CCDC33: variants seen among roughly 807,000 people sequenced by gnomAD.
CCDC33 encodes coiled-coil domain containing 33.
CCDC33 carries 94 observed loss-of-function variants against 91.9 expected under a neutral mutation model. The observed-to-expected ratio is 1.02, with a 90% CI of 0.87 to 1.21. CCDC33 has a LOEUF of 1.21. Among genes scored for constraint, CCDC33 ranks in the 50% most tolerant of loss-of-function variants. The pLI is 0.00. For missense variants in CCDC33, 940 were observed against 935.5 expected, an observed-to-expected ratio of 1.00 and a Z score of -0.06; for synonymous variants, 396 against 374.5, an observed-to-expected ratio of 1.06 and a Z score of -0.66.
In CCDC33 at chr15:74,228,664, G is replaced by A. The variant is rs562843163; in HGVS notation, c.675+9803G>A. On this transcript the variant is annotated intron_variant, in intron 2 of 2. Transcript: ENST00000635913. Reference sequence around the variant, plus strand: ...TTGGGCCAGTGGAGCTCACGGATGGGCATGGGAGCGAGGAGGTTGTAGACA... The same window carrying A: ...TTGGGCCAGTGGAGCTCACGGATGGACATGGGAGCGAGGAGGTTGTAGACA... Among the ~76,000 whole-genome samples the A allele has an allele frequency of 6.6e-5, 10 of 152,352 alleles. No homozygotes were observed. In the South Asian group the frequency reaches 2.1e-3, roughly 32 times the overall value.
At chr15:74,289,606 TG>T (rs935417516) in intron 10 of CCDC33, among the ~76,000 whole-genome samples, 4 of 152,240 alleles carry the variant, frequency 2.6e-5, no homozygotes, top group African/African-American at 9.6e-5. Context: ...CCTAGCTACT[TG>T]GGGGCGTTGA....
intron 2 of CCDC33, among the ~76,000 whole-genome samples, chr15:74,220,096 G>T (rs2074550982): frequency 1.3e-5 from 2 of 152,118 alleles, no homozygotes; most frequent in Non-Finnish European, 2.9e-5. Context: ...GGAGGCAGTG[G>T]GGAACACCAG....
chr15:74,242,090 G>A (rs931002084), intron 1 of CCDC33, among the ~76,000 whole-genome samples: 3 of 152,184 alleles, frequency 2.0e-5, no homozygotes, highest in Non-Finnish European at 4.4e-5. Context: ...AAACTCCTCG[G>A]GGCAGAGCAG....
chr15:74,265,621 A>G lies in CCDC33; in HGVS notation c.320-1057A>G, dbSNP rs150551706. Among the ~76,000 whole-genome samples, 782 of 152,356 alleles carry G rather than the reference A, an allele frequency of 5.1e-3. 9 individuals carry two copies. The Middle Eastern group carries it at 0.058, about 11-fold the overall frequency. On this transcript the variant is annotated intron_variant, in intron 3 of 18. Transcript: ENST00000398814. ...GTTGTGGTGAGAATTTGTTGGAATC[A>G]TGGCTGAGACATGCCTGGCACATAG...
intron 18 of CCDC33, 39 bp downstream of exon 18, chr15:74,335,127 T>A: frequency 6.6e-7 from 1 of 1,515,840 alleles, no homozygotes; most frequent in Non-Finnish European, 9.2e-7. Flanking sequence ...GGGGTTCAGG[T>A]GGTGGAGCAG....
intron 10 of CCDC33, among the ~76,000 whole-genome samples, chr15:74,291,546 C>G (rs1381696507): frequency 6.6e-6 from 1 of 152,234 alleles, no homozygotes; most frequent in Non-Finnish European, 1.5e-5. Context: ...GCTTCAGGCC[C>G]CCTGGGGAGG....
At chr15:74,330,076 C>T (rs1402458500) in intron 11 of CCDC33, 113 bp from the exon 12 acceptor site, 2 of 1,262,298 alleles carry the variant, frequency 1.6e-6, no homozygotes, top group South Asian at 1.6e-5. Context: ...GCTTGGGGCT[C>T]CTGGTGCTCA....
intron 17 of CCDC33, among the ~76,000 whole-genome samples, chr15:74,334,738 A>T (rs2060527494): frequency 6.6e-6 from 1 of 152,172 alleles, no homozygotes; most frequent in African/African-American, 2.4e-5. Context: ...GTGTGGACTC[A>T]GGATCAGAGC....
intron 2 of CCDC33, among the ~76,000 whole-genome samples, chr15:74,250,742 GA>G (rs1376163740): frequency 6.6e-6 from 1 of 152,226 alleles, no homozygotes; most frequent in Non-Finnish European, 1.5e-5. Flanking sequence ...TGGAACATAG[GA>G]AGCTGTCACT....
Position 74,244,202 on chromosome 15 carries a change from A to C in CCDC33, c.185+54A>C. 1.9e-6 allele frequency: 3 copies of C among 1,562,026 alleles called. No homozygotes were observed. Among genetic ancestry groups the C allele is most frequent in the Non-Finnish European group, 2.6e-6 (3 of 1,150,806 alleles). On this transcript the variant is annotated intron_variant, in intron 2 of 18. Coordinates refer to ENST00000398814, the MANE Select transcript of CCDC33 (RefSeq NM_025055.5). This position sits in a 1 kb window ranked among gnomAD's most constrained non-coding sequence, Gnocchi z 4.2. Reference sequence around the variant, plus strand: ...GGGATGGGTTGGGCTGTGAGCAGAAACCAGGGGACAGCTATTTGGAATACT... The same window carrying C: ...GGGATGGGTTGGGCTGTGAGCAGAACCCAGGGGACAGCTATTTGGAATACT...
intron 1 of CCDC33, among the ~76,000 whole-genome samples, chr15:74,205,169 G>A (rs758279951): frequency 2.0e-5 from 3 of 152,156 alleles, no homozygotes; most frequent in Non-Finnish European, 4.4e-5. Context: ...AGGCCTCACT[G>A]AGAAGGTGGT....
Position 74,262,449 on chromosome 15 carries a change from A to AT in CCDC33, c.196dup (p.Ser66PhefsTer2). The AT allele has an allele frequency of 6.2e-7, 1 of 1,614,032 alleles. No homozygotes were observed. The highest frequency in any genetic ancestry group is 8.5e-7 in the Non-Finnish European group (1 of 1,179,972). On this transcript the variant is annotated frameshift_variant, in exon 3 of 19. Coordinates refer to ENST00000398814, the MANE Select transcript of CCDC33 (RefSeq NM_025055.5). LOFTEE classifies it high-confidence loss of function. ...CCCCTGCTCTCCCCAGGAAAAGCAC[A>AT]TCTGAGGAAAAGAACAATCAGAGCT...
chr15:74,325,946 G>C (rs76328168), intron 11 of CCDC33, among the ~76,000 whole-genome samples: 1 of 152,068 alleles, frequency 6.6e-6, no homozygotes, highest in Non-Finnish European at 1.5e-5. Flanking sequence ...TCCTTCGTGG[G>C]AACTGGTCCT....
At chr15:74,226,033 C>T (rs1213569955) in intron 2 of CCDC33, among the ~76,000 whole-genome samples, 2 of 152,216 alleles carry the variant, frequency 1.3e-5, no homozygotes, top group African/African-American at 2.4e-5. Context: ...TCCAAAGGTC[C>T]AACCTCCCTC....
At chr15:74,257,000 C>G (rs148876389) in intron 2 of CCDC33, among the ~76,000 whole-genome samples, 51 of 152,330 alleles carry the variant, frequency 3.3e-4, no homozygotes, top group African/African-American at 1.2e-3. Context: ...GGTGCCCTTT[C>G]TTTTTCCCAG....
intron 11 of CCDC33, among the ~76,000 whole-genome samples, chr15:74,306,559 C>T (rs2059897650): frequency 1.3e-5 from 2 of 152,190 alleles, no homozygotes; most frequent in African/African-American, 4.8e-5. Context: ...TGTCTCTCTC[C>T]AGGCCTGGCC....
chr15:74,278,609 G>T (rs117356244), intron 7 of CCDC33, among the ~76,000 whole-genome samples: 2,245 of 152,336 alleles, frequency 0.015, 22 homozygotes, highest in East Asian at 0.056. Flanking sequence ...CATTTCAGGC[G>T]TCCTCTGCAC....
At chr15:74,277,269 A>G (rs1339430618) in intron 7 of CCDC33, among the ~76,000 whole-genome samples, 1 of 152,238 alleles carries the variant, frequency 6.6e-6, no homozygotes, top group East Asian at 1.9e-4. Context: ...ACCCAGACCC[A>G]GAGCCAAGGG....
chr15:74,297,232 G>C (rs934573673), intron 11 of CCDC33, among the ~76,000 whole-genome samples: 2 of 152,222 alleles, frequency 1.3e-5, no homozygotes, highest in Non-Finnish European at 2.9e-5. Context: ...TCTGGCCCTT[G>C]GGGAAAGAGC....
Sources: allele counts gnomAD v4.1 joint callset (sites outside exome capture counted in the v4.1 genomes callset), GRCh38; gene constraint gnomAD v4.1.1; non-coding constraint Gnocchi (gnomAD v3.1); transcripts MANE v1.5; gene names NCBI Gene and HGNC (gene_info 2026-07-23, HGNC 2026-07-21).